Variants in SV2C observed in about 807,000 individuals in gnomAD.
The protein encoded by SV2C is solute carrier family 22 member B3.
In SV2C, 49 loss-of-function variants were observed where a neutral mutation model predicts 79.7. The observed-to-expected ratio is 0.61, with a 90% CI of 0.49 to 0.78. The LOEUF (loss-of-function observed/expected upper bound fraction) is 0.78, where lower values mean the gene tolerates loss of function less well. Ranked by LOEUF, SV2C falls within the 30% of genes least tolerant of loss-of-function variation. The pLI, the probability that SV2C is intolerant of heterozygous loss-of-function variation, is 0.00. For synonymous variants in SV2C, 334 were observed against 333.2 expected (o/e 1.00, Z -0.03); for missense variants, 833 against 912.9 (o/e 0.91, Z 1.13).
chr5:75,879,196 A>T, the SV2C span, among the ~76,000 whole-genome samples: 1 of 152,244 alleles, frequency 6.6e-6, no homozygotes, highest in South Asian at 2.1e-4. Flanking sequence ...CAAATATTCA[A>T]ACCATATCAT....
At chr5:76,306,510 G>A (rs1220725802) in intron 12 of SV2C, among the ~76,000 whole-genome samples, 1 of 152,188 alleles carries the variant, frequency 6.6e-6, no homozygotes, top group South Asian at 2.1e-4. Flanking sequence ...TATGCAAAAG[G>A]TGGGAAACTG....
At chr5:76,064,947 A>G in the SV2C span, among the ~76,000 whole-genome samples, 2 of 152,210 alleles carry the variant, frequency 1.3e-5, no homozygotes, top group Non-Finnish European at 2.9e-5. Flanking sequence ...TCTCGTAAGT[A>G]TTAGATCTAA....
At chr5:75,899,737 A>C in the SV2C span, among the ~76,000 whole-genome samples, 1 of 152,204 alleles carries the variant, frequency 6.6e-6, no homozygotes, top group South Asian at 2.1e-4. Flanking sequence ...TTGCTTTATG[A>C]ATCTGGGTGC....
intron 4 of SV2C, among the ~76,000 whole-genome samples, chr5:76,268,374 G>C (rs1002293538): frequency 7.9e-5 from 12 of 152,200 alleles, no homozygotes; most frequent in African/African-American, 2.9e-4. Context: ...TGAGCGTGGA[G>C]TCCAGGAGGC....
intron 12 of SV2C, among the ~76,000 whole-genome samples, chr5:76,304,007 C>G (rs904212311): frequency 7.2e-5 from 11 of 152,194 alleles, no homozygotes; most frequent in Admixed American, 6.5e-4. Context: ...ATGACAACAT[C>G]AGCCTCAGAG....
the SV2C span, among the ~76,000 whole-genome samples, chr5:75,906,010 G>A: frequency 6.6e-6 from 1 of 150,930 alleles, no homozygotes; most frequent in African/African-American, 2.4e-5. Context: ...AGGTGCACAG[G>A]AAAGATGGTC....
chr5:75,937,928 T>C, the SV2C span, among the ~76,000 whole-genome samples: 1 of 152,018 alleles, frequency 6.6e-6, no homozygotes, highest in Non-Finnish European at 1.5e-5. Flanking sequence ...CTTTTAATTA[T>C]CAATTTTTAT....
chr5:75,876,773 G>A, the SV2C span, among the ~76,000 whole-genome samples: 1 of 152,054 alleles, frequency 6.6e-6, no homozygotes, highest in African/African-American at 2.4e-5. Context: ...GATAAGATGT[G>A]TATGGCAAAT....
At chr5:76,291,100 T>C (rs1042016121) in intron 6 of SV2C, 121 bp from the exon 7 acceptor site, 1 of 602,774 alleles carries the variant, frequency 1.7e-6, no homozygotes, top group African/African-American at 1.9e-5. Flanking sequence ...ATGAACTGAT[T>C]ACCAAATACC....
the SV2C span, among the ~76,000 whole-genome samples, chr5:75,885,478 G>C: frequency 6.6e-6 from 1 of 152,126 alleles, no homozygotes; most frequent in Non-Finnish European, 1.5e-5. Flanking sequence ...TCTCAGCTGT[G>C]ACGCAAACCC....
the SV2C span, among the ~76,000 whole-genome samples, chr5:76,000,484 G>T: frequency 6.6e-6 from 1 of 152,154 alleles, no homozygotes; most frequent in Admixed American, 6.5e-5. Context: ...CTGAAACTCT[G>T]GAGGTGGGAC....
At chr5:75,935,365 A>T in the SV2C span, among the ~76,000 whole-genome samples, 2 of 152,112 alleles carry the variant, frequency 1.3e-5, no homozygotes, top group Non-Finnish European at 2.9e-5. Context: ...GAGGGTTAAT[A>T]AGTACCTGCT....
chr5:76,205,325 T>A (rs988439465), intron 3 of SV2C, among the ~76,000 whole-genome samples: 5 of 152,216 alleles, frequency 3.3e-5, no homozygotes, highest in Admixed American at 2.6e-4. Context: ...TAACTCCAAC[T>A]CTGAAATTCC....
intron 1 of SV2C, among the ~76,000 whole-genome samples, chr5:76,112,557 GT>G (rs1358751647): frequency 1.3e-5 from 2 of 152,162 alleles, no homozygotes; most frequent in Non-Finnish European, 2.9e-5. Context: ...CACACCTTTG[GT>G]GAGTTTTTTC....
the SV2C span, among the ~76,000 whole-genome samples, chr5:75,920,477 C>T: frequency 6.6e-6 from 1 of 152,084 alleles, no homozygotes; most frequent in Non-Finnish European, 1.5e-5. Context: ...TTTTAAGAAA[C>T]CCCCCCAACC....
chr5:76,256,049 C>G (rs932406260), intron 4 of SV2C, among the ~76,000 whole-genome samples: 1 of 152,188 alleles, frequency 6.6e-6, no homozygotes, highest in Non-Finnish European at 1.5e-5. Context: ...CCCCATTAAA[C>G]ATTTCTTCTC....
chr5:76,151,722 A>G (rs767548335), intron 2 of SV2C, among the ~76,000 whole-genome samples: 2 of 152,130 alleles, frequency 1.3e-5, no homozygotes, highest in Non-Finnish European at 2.9e-5. Context: ...GTAGGAAGGA[A>G]GATGTGTTTG....
intron 4 of SV2C, among the ~76,000 whole-genome samples, chr5:76,270,871 C>T (rs1746829823): frequency 6.6e-6 from 1 of 151,846 alleles, no homozygotes; most frequent in Non-Finnish European, 1.5e-5. Flanking sequence ...CGGGTTAAAA[C>T]ACTTCTCCTG....
chr5:76,048,965 G>GAGAAAGAAAGAAAGAA, the SV2C span, among the ~76,000 whole-genome samples: 5,348 of 58,100 alleles, frequency 0.092, 404 homozygotes, highest in Middle Eastern at 0.12. Context: ...GAAAGAAAAA[G>GAGAAAGAAAGAAAGAA]AGAAAGAAAG....
Sources: gnomAD v4.1 joint callset for allele counts (sites outside exome capture counted in the v4.1 genomes callset) on GRCh38, gnomAD v4.1.1 for gene constraint, MANE v1.5 for transcripts, NCBI Gene and HGNC (gene_info 2026-07-23, HGNC 2026-07-21) for gene names.